The following DPP6 variants were observed in gnomAD, a reference collection of about 807,000 sequenced individuals.
DPP6 encodes the protein dipeptidyl peptidase like 6, also known as A-type potassium channel modulatory protein DPP6.
In DPP6, 69 loss-of-function variants were observed where a neutral mutation model predicts 122.6. The ratio of observed to expected loss-of-function variants is 0.56; its 90% CI spans 0.46 to 0.69. The LOEUF (loss-of-function observed/expected upper bound fraction) is 0.69, where lower values mean the gene tolerates loss of function less well. Among genes scored for constraint, DPP6 ranks in the 30% least tolerant of loss-of-function variants. The pLI, the probability that DPP6 is intolerant of heterozygous loss-of-function variation, is 0.00. For missense variants in DPP6, 928 were observed against 1,116.9 expected (o/e 0.83, Z 2.41); for synonymous variants, 418 against 433.1 (o/e 0.97, Z 0.43).
At chr7:154,574,399 GGT>G (rs1225961724) in intron 5 of DPP6, among the ~76,000 whole-genome samples, 1 of 146,618 alleles carries the variant, frequency 6.8e-6, no homozygotes, top group Non-Finnish European at 1.5e-5. Flanking sequence ...GTATGTGTGT[GGT>G]GTGTGTATGT....
chr7:154,092,116 T>G (rs1804898170), intron 1 of DPP6: 1 of 152,138 alleles, frequency 6.6e-6, no homozygotes, highest in Non-Finnish European at 1.5e-5. Context: ...TGTATCTGTT[T>G]ATTTAGGTGG....
chr7:154,662,036 G>T (rs201898962), intron 6 of DPP6, among the ~76,000 whole-genome samples: 1,966 of 130,342 alleles, frequency 0.015, no homozygotes, highest in East Asian at 0.026. Flanking sequence ...TGGCCATAGT[G>T]TTCATATAGT....
At chr7:154,212,804 G>A (rs1015340406) in intron 1 of DPP6, among the ~76,000 whole-genome samples, 10 of 152,172 alleles carry the variant, frequency 6.6e-5, no homozygotes, top group African/African-American at 2.4e-4. Flanking sequence ...AAGATGGCAG[G>A]TGCCATGACA....
chr7:153,943,938 TC>T (rs1801816204), intron 1 of DPP6, among the ~76,000 whole-genome samples: 1 of 152,126 alleles, frequency 6.6e-6, no homozygotes, highest in South Asian at 2.1e-4. Flanking sequence ...CAAAGGCAGT[TC>T]CAGTGGAGTC....
chr7:154,200,190 CCTT>C (rs1050487239), intron 1 of DPP6, among the ~76,000 whole-genome samples: 2 of 152,028 alleles, frequency 1.3e-5, no homozygotes, highest in African/African-American at 4.8e-5. Flanking sequence ...TTTCCTGGCT[CCTT>C]TTTTTTTAAA....
At chr7:153,947,523 A>ATTTTCGCT (rs1802005480) in intron 1 of DPP6, among the ~76,000 whole-genome samples, 1 of 152,232 alleles carries the variant, frequency 6.6e-6, no homozygotes, top group Non-Finnish European at 1.5e-5. Flanking sequence ...AAAATTACAC[A>ATTTTCGCT]GATTTACTTA....
intron 1 of DPP6, among the ~76,000 whole-genome samples, chr7:154,061,060 A>C: frequency 6.8e-6 from 1 of 148,140 alleles, no homozygotes; most frequent in East Asian, 1.9e-4. Context: ...TTACGATCCG[A>C]CGGGTCCGAA....
At chr7:154,724,004 A>C (rs1247604749) in intron 7 of DPP6, among the ~76,000 whole-genome samples, 1 of 152,220 alleles carries the variant, frequency 6.6e-6, no homozygotes, top group Non-Finnish European at 1.5e-5. Flanking sequence ...TTTATAGCTT[A>C]GGAGCTTCAG....
chr7:154,764,551 G>A lies in DPP6; in HGVS notation c.884-4866G>A, dbSNP rs183817944. On this transcript the variant is annotated intron_variant, in intron 8 of 25. Transcript: ENST00000377770. ...GCCGTGTGCCCACCTACAAGCCATT[G>A]GTTCTTTTACTAAAAAGAGAAGGGA... is the stretch of plus-strand genomic sequence containing the variant. Among the ~76,000 whole-genome samples, 80 of 152,220 alleles carry A rather than the reference G, an allele frequency of 5.3e-4. 1 individual carries two copies. The East Asian group carries it at 0.014, about 27-fold the overall frequency.
chr7:154,307,520 C>T (rs1052869722), intron 1 of DPP6, among the ~76,000 whole-genome samples: 3 of 150,024 alleles, frequency 2.0e-5, no homozygotes, highest in African/African-American at 7.4e-5. Context: ...AAGAGGGGAA[C>T]AGCAGAGATA....
Position 154,755,198 on chromosome 7 carries a change from A to G in DPP6, c.884-14219A>G, listed in dbSNP as rs1453949524. On this transcript the variant is annotated intron_variant, in intron 8 of 25. Transcript: ENST00000377770. The surrounding 1 kb of genome is among the most constrained non-coding windows in gnomAD (Gnocchi z 4.7). ...ACACATGTCAGGAGCTGAATTTAAA[A>G]CAATGTTTTGGTCAGTACCAGGACA... is the stretch of plus-strand genomic sequence containing the variant. Among the ~76,000 whole-genome samples the G allele has an allele frequency of 1.3e-5, 2 of 151,970 alleles. No individual in the cohort carries two copies. Among genetic ancestry groups the G allele is most frequent in the African/African-American group, 4.8e-5 (2 of 41,372 alleles).
intron 10 of DPP6, among the ~76,000 whole-genome samples, chr7:154,781,180 A>G (rs1563203731): frequency 6.6e-6 from 1 of 151,950 alleles, no homozygotes; most frequent in Non-Finnish European, 1.5e-5. Flanking sequence ...AATGAACAGT[A>G]GATGGATGGA....
At chr7:153,964,855 TC>T (rs1278584005) in intron 1 of DPP6, among the ~76,000 whole-genome samples, 3 of 141,926 alleles carry the variant, frequency 2.1e-5, no homozygotes, top group East Asian at 2.1e-4. Flanking sequence ...CTTTTCCTTT[TC>T]CCTTTCCTTT....
intron 1 of DPP6, among the ~76,000 whole-genome samples, chr7:154,340,485 G>A (rs1165181685): frequency 1.3e-5 from 2 of 152,086 alleles, no homozygotes; most frequent in Admixed American, 6.5e-5. Flanking sequence ...CTTCACCTTC[G>A]CTCAGGTTTC....
intron 10 of DPP6, among the ~76,000 whole-genome samples, chr7:154,774,224 G>A (rs1192134955): frequency 6.6e-6 from 1 of 152,152 alleles, no homozygotes; most frequent in African/African-American, 2.4e-5. Flanking sequence ...AGCCCAAGGT[G>A]TGCGCTGGTT....
At chr7:154,465,837 C>T (rs1277725482) in intron 2 of DPP6, among the ~76,000 whole-genome samples, 2 of 152,158 alleles carry the variant, frequency 1.3e-5, no homozygotes, top group Non-Finnish European at 2.9e-5. Context: ...TACCATTTGA[C>T]CCAGCCATCC....
intron 9 of DPP6, among the ~76,000 whole-genome samples, chr7:154,769,779 G>C (rs1382672278): frequency 6.6e-6 from 1 of 152,082 alleles, no homozygotes; most frequent in African/African-American, 2.4e-5. Context: ...TTAGGTAACC[G>C]AACTAATGTT....
At chr7:154,473,078 G>A (rs1356147420) in intron 2 of DPP6, among the ~76,000 whole-genome samples, 1 of 152,132 alleles carries the variant, frequency 6.6e-6, no homozygotes, top group Non-Finnish European at 1.5e-5. Context: ...AATCATTCTT[G>A]AATAGTGAAG....
the DPP6 span, among the ~76,000 whole-genome samples, chr7:153,874,309 C>A: frequency 6.6e-6 from 1 of 151,526 alleles, no homozygotes; most frequent in Non-Finnish European, 1.5e-5. Flanking sequence ...ACAGAAGAAC[C>A]AGAAAGAACT....
Sources: gnomAD v4.1 joint callset for allele counts (sites outside exome capture counted in the v4.1 genomes callset) on GRCh38, gnomAD v4.1.1 for gene constraint, Gnocchi (gnomAD v3.1) non-coding constraint, MANE v1.5 for transcripts, NCBI Gene and HGNC (gene_info 2026-07-23, HGNC 2026-07-21) for gene names.